The following RANBP2 variants were observed in gnomAD, a reference collection of about 807,000 sequenced individuals.
RANBP2 encodes the protein E3 SUMO-protein ligase RanBP2.
RANBP2 carries 57 observed loss-of-function variants against 303.6 expected under a neutral mutation model. The ratio of observed to expected loss-of-function variants is 0.19; its 90% CI spans 0.15 to 0.23. RANBP2 has a LOEUF of 0.23. RANBP2 is among the 10% of genes least tolerant of loss of function. RANBP2 has a pLI of 1.00. For synonymous variants in RANBP2, 1,167 were observed against 1,301.5 expected, an observed-to-expected ratio of 0.90 and a Z score of 2.23; for missense variants, 3,138 against 3,780.8, an observed-to-expected ratio of 0.83 and a Z score of 4.46.
chr2:109,525,706 G>A, the RANBP2 span, among the ~76,000 whole-genome samples: 51 of 152,158 alleles, frequency 3.4e-4, no homozygotes, highest in Non-Finnish European at 6.2e-4. Flanking sequence ...ATGCCAGAGA[G>A]GAGGCTCTCA....
At chr2:109,218,453 T>TC in the RANBP2 span, among the ~76,000 whole-genome samples, 1 of 152,204 alleles carries the variant, frequency 6.6e-6, no homozygotes, top group Non-Finnish European at 1.5e-5. Flanking sequence ...AGTTTCCACT[T>TC]CCTTTCTGCT....
At chr2:108,917,423 C>A in the RANBP2 span, among the ~76,000 whole-genome samples, 1 of 152,136 alleles carries the variant, frequency 6.6e-6, no homozygotes, top group South Asian at 2.1e-4. Context: ...GTGTTCCCAA[C>A]ACAAAGAAGT....
At chr2:109,124,865 G>A in the RANBP2 span, among the ~76,000 whole-genome samples, 1 of 152,166 alleles carries the variant, frequency 6.6e-6, no homozygotes, top group African/African-American at 2.4e-5. Context: ...ATCCTCCAGG[G>A]TTCTGCAACT....
the RANBP2 span, among the ~76,000 whole-genome samples, chr2:109,479,932 G>A: frequency 4.6e-5 from 7 of 152,208 alleles, no homozygotes; most frequent in Admixed American, 2.0e-4. Flanking sequence ...AGCCCAGCCC[G>A]GTTTTGCTGA....
At chr2:109,537,944 TCTCAAAACACACA>T in the RANBP2 span, among the ~76,000 whole-genome samples, 2 of 152,170 alleles carry the variant, frequency 1.3e-5, no homozygotes, top group South Asian at 2.1e-4. Flanking sequence ...CAAGATCCTG[TCTCAAAACACACA>T]CACACATACA....
chr2:108,743,019 G>A (rs888267741), intron 7 of RANBP2, among the ~76,000 whole-genome samples: 2 of 152,180 alleles, frequency 1.3e-5, no homozygotes, highest in African/African-American at 2.4e-5. Context: ...TCGATCTCCT[G>A]ACCTCATGAT....
chr2:109,390,062 G>A, the RANBP2 span, among the ~76,000 whole-genome samples: 1 of 152,170 alleles, frequency 6.6e-6, no homozygotes, highest in Admixed American at 6.5e-5. Context: ...TCCACGTGCA[G>A]CACACACCCC....
the RANBP2 span, among the ~76,000 whole-genome samples, chr2:108,942,321 C>T: frequency 6.6e-6 from 1 of 152,164 alleles, no homozygotes; most frequent in Admixed American, 6.5e-5. Flanking sequence ...ACTCAACTTT[C>T]GACACTTCTA....
chr2:109,497,712 A>T, the RANBP2 span, among the ~76,000 whole-genome samples: 1 of 152,210 alleles, frequency 6.6e-6, no homozygotes, highest in Non-Finnish European at 1.5e-5. Flanking sequence ...AGAAACGTTA[A>T]ACACTTGTCT....
chr2:108,799,086 C>T, the RANBP2 span, among the ~76,000 whole-genome samples: 2 of 152,072 alleles, frequency 1.3e-5, no homozygotes, highest in Admixed American at 6.6e-5. Flanking sequence ...AGCAACTAGA[C>T]AAGATTCATG....
chr2:108,989,279 G>A, the RANBP2 span: 1 of 152,674 alleles, frequency 6.5e-6, no homozygotes, highest in African/African-American at 2.4e-5. Context: ...GCACCATCTA[G>A]AGGTCTCTCC....
At chr2:109,465,986 A>G in the RANBP2 span, among the ~76,000 whole-genome samples, 1 of 150,570 alleles carries the variant, frequency 6.6e-6, no homozygotes, top group East Asian at 2.0e-4. Flanking sequence ...ACAATTCAGC[A>G]TGAGCTATGG....
the RANBP2 span, among the ~76,000 whole-genome samples, chr2:109,076,479 G>A: frequency 6.7e-6 from 1 of 150,340 alleles, no homozygotes; most frequent in Non-Finnish European, 1.5e-5. Context: ...GTCTGTTTCT[G>A]GGTGACATGG....
chr2:109,134,942 T>C, the RANBP2 span, among the ~76,000 whole-genome samples: 1 of 152,216 alleles, frequency 6.6e-6, no homozygotes, highest in African/African-American at 2.4e-5. Context: ...GTAAGTGACA[T>C]GAACAGGACA....
the RANBP2 span, among the ~76,000 whole-genome samples, chr2:109,318,620 T>C: frequency 2.6e-5 from 4 of 152,296 alleles, no homozygotes; most frequent in East Asian, 1.9e-4. Flanking sequence ...ATGCTCACAC[T>C]GGGGGCAGCA....
Position 108,748,876 on chromosome 2 carries a change from C to A in RANBP2, c.1064-44C>A, listed in dbSNP as rs115292586. 948 of 1,611,824 alleles carry A rather than the reference C, an allele frequency of 5.9e-4. 4 individuals are homozygous for A. The African/African-American group carries it at 0.011, about 19-fold the overall frequency. On this transcript the variant is annotated intron_variant, in intron 8 of 28. Coordinates refer to ENST00000283195, the MANE Select transcript of RANBP2 (RefSeq NM_006267.5). ...ATGAGACAACGTGAGCAAATACAAT[C>A]TGTAATTTTAAAGTGATGGAAATAA... is the stretch of plus-strand genomic sequence containing the variant.
At chr2:108,904,543 C>T in the RANBP2 span, among the ~76,000 whole-genome samples, 13 of 151,554 alleles carry the variant, frequency 8.6e-5, no homozygotes, top group Non-Finnish European at 1.6e-4. Context: ...TCATAATAGC[C>T]GTTAAGTGGA....
At chr2:109,162,433 C>CT in the RANBP2 span, among the ~76,000 whole-genome samples, 1 of 151,970 alleles carries the variant, frequency 6.6e-6, no homozygotes, top group African/African-American at 2.4e-5. Flanking sequence ...TTTTATTATA[C>CT]TTTAAGTTTT....
the RANBP2 span, among the ~76,000 whole-genome samples, chr2:109,572,288 G>A: frequency 6.6e-6 from 1 of 152,068 alleles, no homozygotes; most frequent in Non-Finnish European, 1.5e-5. Context: ...ATGCCACGAC[G>A]CCCGGCTGAA....
Sources: gnomAD v4.1 joint callset for allele counts (sites outside exome capture counted in the v4.1 genomes callset) on GRCh38, gnomAD v4.1.1 for gene constraint, MANE v1.5 for transcripts, NCBI Gene and HGNC (gene_info 2026-07-23, HGNC 2026-07-21) for gene names.